SSH2: variants seen among roughly 807,000 people sequenced by gnomAD.
The protein encoded by SSH2 is protein phosphatase Slingshot homolog 2.
A neutral mutation model predicts 135.2 loss-of-function variants in SSH2; 37 were observed. That is an observed-to-expected ratio of 0.27 (90% confidence interval 0.21 to 0.36). The LOEUF (loss-of-function observed/expected upper bound fraction) is 0.36, where lower values mean the gene tolerates loss of function less well. Ranked by LOEUF, SSH2 falls within the 10% of genes least tolerant of loss-of-function variation. The pLI is 1.00. For missense variants in SSH2, 1,408 were observed against 1,765.3 expected (o/e 0.80, Z 3.63); for synonymous variants, 628 against 646.2 (o/e 0.97, Z 0.43).
chr17:29,800,384 A>T (rs921642289), intron 2 of SSH2, among the ~76,000 whole-genome samples: 1 of 152,240 alleles, frequency 6.6e-6, no homozygotes, highest in African/African-American at 2.4e-5. Context: ...TAATGCAGTT[A>T]TCTTGAACAA....
intron 14 of SSH2, among the ~76,000 whole-genome samples, chr17:29,642,350 C>G (rs141768206): frequency 6.6e-6 from 1 of 152,272 alleles, no homozygotes; most frequent in African/African-American, 2.4e-5. Context: ...GGCACAGACT[C>G]TCCCTGGTCA....
intron 1 of SSH2, among the ~76,000 whole-genome samples, chr17:29,856,655 A>G (rs1215766341): frequency 6.6e-6 from 1 of 152,188 alleles, no homozygotes; most frequent in Non-Finnish European, 1.5e-5. Flanking sequence ...ACAACTAAGA[A>G]GGTGTCAAAG....
intron 1 of SSH2, among the ~76,000 whole-genome samples, chr17:29,899,494 C>A (rs550678121): frequency 7.2e-5 from 11 of 152,200 alleles, no homozygotes; most frequent in South Asian, 4.1e-4. Flanking sequence ...AACAGACAAA[C>A]AGAGAGCCAA....
chr17:29,876,091 A>G (rs535115976), intron 1 of SSH2, among the ~76,000 whole-genome samples: 2 of 152,074 alleles, frequency 1.3e-5, no homozygotes, highest in Admixed American at 1.3e-4. Flanking sequence ...CATTCAATGT[A>G]ATTTCTATCA....
chr17:29,810,578 C>T (rs1480727360), intron 2 of SSH2, among the ~76,000 whole-genome samples: 1 of 152,200 alleles, frequency 6.6e-6, no homozygotes, highest in East Asian at 1.9e-4. Context: ...ATTGTTATTA[C>T]AGCACTACCT....
chr17:29,677,809 C>T lies in SSH2; in HGVS notation c.480-68G>A, dbSNP rs1169550033. 6 of 1,214,978 alleles carry T rather than the reference C, an allele frequency of 4.9e-6. No individual in the cohort carries two copies. The East Asian group carries it at 1.4e-4, about 28-fold the overall frequency. 75.3% of individuals were successfully genotyped at this position (1,214,978 alleles called of 1,614,324 possible). Reference sequence around the variant, plus strand: ...TGGGAAGCAGTCTTCTGTTTACTAACTCTTTCAACACCAAGGATAAACCCT... The same window carrying T: ...TGGGAAGCAGTCTTCTGTTTACTAATTCTTTCAACACCAAGGATAAACCCT... On this transcript the variant is annotated intron_variant, in intron 6 of 15. Coordinates refer to ENST00000540801, the MANE Select transcript of SSH2 (RefSeq NM_001282129.2).
intron 1 of SSH2, among the ~76,000 whole-genome samples, chr17:29,852,440 G>A: frequency 6.6e-6 from 1 of 151,886 alleles, no homozygotes; most frequent in East Asian, 1.9e-4. Context: ...TTGGTTCATG[G>A]AACAATTGTT....
intron 2 of SSH2, among the ~76,000 whole-genome samples, chr17:29,832,480 C>T (rs984933884): frequency 6.6e-6 from 1 of 152,078 alleles, no homozygotes; most frequent in Non-Finnish European, 1.5e-5. Context: ...AAATTTTGTT[C>T]TACCCATTTG....
At chr17:29,827,403 C>T (rs994094113) in intron 2 of SSH2, among the ~76,000 whole-genome samples, 1 of 152,092 alleles carries the variant, frequency 6.6e-6, no homozygotes, top group Non-Finnish European at 1.5e-5. Flanking sequence ...TTGGCAGGGG[C>T]AGAGGGTGAA....
At chr17:29,837,067 G>C (rs1212023501) in intron 2 of SSH2, among the ~76,000 whole-genome samples, 3 of 152,086 alleles carry the variant, frequency 2.0e-5, no homozygotes, top group Non-Finnish European at 4.4e-5. Context: ...GACCAGCCTG[G>C]CCAACATAGT....
chr17:29,752,351 T>TA (rs1339816373), intron 3 of SSH2, among the ~76,000 whole-genome samples: 1 of 152,158 alleles, frequency 6.6e-6, no homozygotes, highest in Non-Finnish European at 1.5e-5. Context: ...GAACAGAACT[T>TA]AAGAGTACAG....
chr17:29,929,871 G>C, intron 1 of SSH2, 67 bp downstream of exon 1: 1 of 1,458,540 alleles, frequency 6.9e-7, no homozygotes, highest in Non-Finnish European at 9.3e-7. Flanking sequence ...CGTTCGGCGG[G>C]ACCCGCTGAG....
At position 29,703,408 on chromosome 17, in the gene SSH2, C is replaced by A. The variant is rs562037097; in HGVS notation, c.189-346G>T. Among the ~76,000 whole-genome samples, 20 of 151,806 alleles carry A rather than the reference C, an allele frequency of 1.3e-4. No homozygotes were observed. In the East Asian group the frequency reaches 3.9e-3, roughly 30 times the overall value. ...GGGATTACCGGCGCCCGCCACCACACCCAGCTAATTTTTGAATATTAGTAG... is the reference window on the plus strand; with the variant it reads ...GGGATTACCGGCGCCCGCCACCACAACCAGCTAATTTTTGAATATTAGTAG... On this transcript the variant is annotated intron_variant, in intron 3 of 15. Coordinates refer to ENST00000540801, the MANE Select transcript of SSH2 (RefSeq NM_001282129.2).
Position 29,807,423 on chromosome 17 carries a change from C to G in SSH2, c.145-13486G>C, listed in dbSNP as rs192659630. ...GAGGAAAAGAGGATATTGAATATCTCTGAACAGCAAATAATCAATATACTC... is the reference window on the plus strand; with the variant it reads ...GAGGAAAAGAGGATATTGAATATCTGTGAACAGCAAATAATCAATATACTC... On this transcript the variant is annotated intron_variant, in intron 2 of 15. Coordinates refer to ENST00000540801, the MANE Select transcript of SSH2 (RefSeq NM_001282129.2). Among the ~76,000 whole-genome samples, 3 of 152,284 alleles carry G rather than the reference C, an allele frequency of 2.0e-5. No homozygotes were observed. The East Asian group carries it at 5.8e-4, about 29-fold the overall frequency.
chr17:29,676,804 G>T lies in SSH2; in HGVS notation c.614+16C>A. The T allele has an allele frequency of 6.2e-7, 1 of 1,602,290 alleles. No homozygotes were observed. Among genetic ancestry groups the T allele is most frequent in the Non-Finnish European group, 8.5e-7 (1 of 1,169,720 alleles). ...ACATTAAAACACTTTTGTAGAGATA[G>T]TAAAAGTCATCTTACCACATTGCCT... On this transcript the variant is annotated intron_variant, in intron 8 of 15. Coordinates refer to ENST00000540801, the MANE Select transcript of SSH2 (RefSeq NM_001282129.2).
chr17:29,742,490 T>TG lies in SSH2; in HGVS notation c.189-39429_189-39428insC, dbSNP rs1456324679. Reference sequence around the variant, plus strand: ...TGTGCCACCACACCCAGTTTTTTTTTTTTTTTTTTTCTTTTCAATTTTTTG... The same window carrying TG: ...TGTGCCACCACACCCAGTTTTTTTTTGTTTTTTTTTTCTTTTCAATTTTTTG... On this transcript the variant is annotated intron_variant, in intron 3 of 15. Transcript: ENST00000540801. 5.5e-5 allele frequency among the ~76,000 whole-genome samples: 8 copies of TG among 146,602 alleles called. No homozygotes were observed. The East Asian group carries it at 1.4e-3, about 25-fold the overall frequency.
chr17:29,800,084 C>A (rs2042223585), intron 2 of SSH2, among the ~76,000 whole-genome samples: 1 of 152,024 alleles, frequency 6.6e-6, no homozygotes, highest in African/African-American at 2.4e-5. Flanking sequence ...TCCTTTGGCT[C>A]CCCCAAAAAG....
At chr17:29,729,514 C>T (rs1166831833) in intron 3 of SSH2, among the ~76,000 whole-genome samples, 2 of 152,112 alleles carry the variant, frequency 1.3e-5, no homozygotes, top group Non-Finnish European at 1.5e-5. Flanking sequence ...AACTACCATA[C>T]GATCCAGCAA....
chr17:29,643,611 G>A (rs1040210359), intron 14 of SSH2, among the ~76,000 whole-genome samples: 1 of 152,012 alleles, frequency 6.6e-6, no homozygotes, highest in Admixed American at 6.6e-5. Context: ...CCCTGCCTCA[G>A]CCTCCCGAGT....
Sources: gnomAD v4.1 joint callset for allele counts (sites outside exome capture counted in the v4.1 genomes callset) on GRCh38, gnomAD v4.1.1 for gene constraint, MANE v1.5 for transcripts, NCBI Gene and HGNC (gene_info 2026-07-23, HGNC 2026-07-21) for gene names.